IL17D: variants seen among roughly 807,000 people sequenced by gnomAD.
IL17D encodes interleukin 17D, also known as interleukin-17D.
Under a neutral mutation model 5.7 loss-of-function variants are expected in IL17D, and 10 were observed. That is an observed-to-expected ratio of 1.75 (90% CI 1.08 to 2.97). The LOEUF (loss-of-function observed/expected upper bound fraction) is 2.97. Ranked by LOEUF, IL17D falls within the 30% of genes most tolerant of loss-of-function variation. IL17D has a pLI of 0.00. For synonymous variants in IL17D, 172 were observed against 141.7 expected, an observed-to-expected ratio of 1.21 and a Z score of -1.52; for missense variants, 354 against 292.7, an observed-to-expected ratio of 1.21 and a Z score of -1.53.
upstream of IL17D, chr13:20,702,065 CATA>C (rs2058550907): frequency 6.6e-6 from 1 of 152,182 alleles, no homozygotes; most frequent in African/African-American, 2.4e-5. Context: ...ATGAAACCCT[CATA>C]ATGATACTCT....
chr13:20,704,128 T>C lies in IL17D; in HGVS notation c.127T>C (p.Tyr43His), dbSNP rs1387984745. The part of the protein sequence containing the change: ...DRPEELLEQL[Y>H]GRLAAGVLSA... ...GCCGGAGGAGCTACTGGAGCAGCTG[T>C]ACGGGCGCCTGGCGGCCGGCGTGCT... Residue 43 changes from tyrosine (Y) to histidine (H), a missense_variant, in exon 1 of 2, where the codon TAC becomes CAC. Transcript: ENST00000682841. 1.5e-5 allele frequency: 20 copies of C among 1,324,280 alleles called. No individual in the cohort carries two copies. The East Asian group carries it at 7.5e-4, about 49-fold the overall frequency. The allele number at this position is 1,324,280 out of a possible 1,614,324, so 82.0% of individuals were successfully genotyped here. A position where few individuals can be genotyped will look rare whatever the true frequency, so the allele number is the denominator to read the frequency against.
At chr13:20,719,196 CCA>C (rs1284539608) in intron 1 of IL17D, among the ~76,000 whole-genome samples, 1 of 142,060 alleles carries the variant, frequency 7.0e-6, no homozygotes, top group Non-Finnish European at 1.5e-5. Flanking sequence ...TCACAGATGC[CCA>C]CACCCACACC....
upstream of IL17D, chr13:20,703,342 CAA>C: frequency 1.0e-6 from 1 of 985,976 alleles, no homozygotes. Flanking sequence ...GCACAAGTGA[CAA>C]AATGTTTTCA....
chr13:20,704,634 C>T (rs2058576658), intron 1 of IL17D, among the ~76,000 whole-genome samples: 1 of 152,136 alleles, frequency 6.6e-6, no homozygotes, highest in South Asian at 2.1e-4. Context: ...AGGAGTCCTG[C>T]TTCCTCTCTT....
chr13:20,708,592 T>C (rs1223697186), intron 1 of IL17D, among the ~76,000 whole-genome samples: 4 of 152,106 alleles, frequency 2.6e-5, no homozygotes, highest in African/African-American at 7.2e-5. Flanking sequence ...TTACACACCA[T>C]TTCTTCTTGG....
intron 1 of IL17D, among the ~76,000 whole-genome samples, chr13:20,705,561 G>A (rs906667622): frequency 6.6e-6 from 1 of 152,204 alleles, no homozygotes; most frequent in African/African-American, 2.4e-5. Flanking sequence ...GCGAAGTGTG[G>A]TGGCACGTGC....
chr13:20,719,138 CCTATCCACACTT>C (rs1376852254), intron 1 of IL17D, among the ~76,000 whole-genome samples: 1 of 150,502 alleles, frequency 6.6e-6, no homozygotes, highest in African/African-American at 2.4e-5. Flanking sequence ...CATCCACACA[CCTATCCACACTT>C]ACGCACACCT....
At chr13:20,705,079 C>T (rs753846131) in intron 1 of IL17D, among the ~76,000 whole-genome samples, 3 of 151,970 alleles carry the variant, frequency 2.0e-5, no homozygotes, top group South Asian at 2.1e-4. Context: ...GGCAGGGTGC[C>T]GCAGTGTCCT....
intron 1 of IL17D, among the ~76,000 whole-genome samples, chr13:20,718,827 C>A (rs1403409594): frequency 6.8e-6 from 1 of 147,614 alleles, no homozygotes; most frequent in Non-Finnish European, 1.5e-5. Context: ...CACACACCTG[C>A]CCACACTCAG....
chr13:20,705,210 A>G (rs1443342831), intron 1 of IL17D, among the ~76,000 whole-genome samples: 2 of 151,054 alleles, frequency 1.3e-5, no homozygotes, highest in African/African-American at 4.9e-5. Flanking sequence ...GTCTTGATGG[A>G]GGAGAGCAAG....
At chr13:20,703,230 CTTCGGGTTA>C (rs1368340909), upstream of IL17D, 3 of 978,468 alleles carry the variant, frequency 3.1e-6, no homozygotes, top group African/African-American at 5.3e-5. Context: ...TTGCGTGGCC[CTTCGGGTTA>C]TTCCGCTCAA....
intron 1 of IL17D, among the ~76,000 whole-genome samples, chr13:20,707,440 C>CA (rs57118714): frequency 0.012 from 931 of 75,330 alleles, 12 homozygotes; most frequent in African/African-American, 0.027. Flanking sequence ...GAACTTGTCT[C>CA]AAAAAAAAAA....
Position 20,704,264 on chromosome 13 carries a change from T to C in IL17D, c.263T>C (p.Leu88Pro). The C allele has an allele frequency of 8.6e-7, 1 of 1,157,902 alleles. No individual in the cohort carries two copies. The highest frequency in any genetic ancestry group is 1.1e-6 in the Non-Finnish European group (1 of 941,708). 71.7% of individuals were successfully genotyped at this position (1,157,902 alleles called of 1,614,324 possible). A position where few individuals can be genotyped will look rare whatever the true frequency, so the allele number is the denominator to read the frequency against. ...CGCCGCTTCCGGCCGCCCACCAACC[T>C]GCGCAGCGTGTCGCCCTGGGCCTAC... Reference protein sequence around the residue: ...ADRRFRPPTNLRSVSPWAYRI... With the variant: ...ADRRFRPPTNPRSVSPWAYRI... The change falls in exon 1 of 2, where the codon CTG becomes CCG. Residue 88 changes from leucine (L) to proline (P), a missense_variant. Coordinates refer to ENST00000682841, the MANE Select transcript of IL17D (RefSeq NM_001385224.1).
intron 1 of IL17D, among the ~76,000 whole-genome samples, chr13:20,707,740 G>T (rs1201912765): frequency 6.6e-6 from 1 of 152,094 alleles, no homozygotes; most frequent in Non-Finnish European, 1.5e-5. Flanking sequence ...GCCCAGGTTC[G>T]TCTTGAAGTC....
chr13:20,703,249 A>C, upstream of IL17D: 2 of 985,708 alleles, frequency 2.0e-6, no homozygotes, highest in Non-Finnish European at 2.4e-6. Flanking sequence ...ATTCCGCTCA[A>C]GAGCCGCCGC....
Position 20,704,297 on chromosome 13 carries a change from C to G in IL17D, c.290+6C>G. ...GTGTCGCCCTGGGCCTACAGGTGAG[C>G]CGCGGGCGCGTCCTGGCGGGGCCCG... is the stretch of plus-strand genomic sequence containing the variant. On this transcript the variant is annotated splice_donor_region_variant and intron_variant, in intron 1 of 1. Coordinates refer to ENST00000682841, the MANE Select transcript of IL17D (RefSeq NM_001385224.1). The G allele has an allele frequency of 1.7e-6, 2 of 1,205,730 alleles. No individual in the cohort carries two copies. The highest frequency in any genetic ancestry group is 1.0e-6 in the Non-Finnish European group (1 of 972,564). 74.7% of individuals were successfully genotyped at this position (1,205,730 alleles called of 1,614,324 possible). A position where few individuals can be genotyped will look rare whatever the true frequency, so the allele number is the denominator to read the frequency against.
intron 1 of IL17D, 71 bp from the exon 2 acceptor site, chr13:20,721,565 T>C: frequency 7.3e-7 from 1 of 1,375,550 alleles, no homozygotes; most frequent in Admixed American, 2.2e-5. Flanking sequence ...CCGGTGACTC[T>C]AACCAGGGAT....
chr13:20,704,154 C>G lies in IL17D; in HGVS notation c.153C>G (p.Leu51=), dbSNP rs1296390042. The G allele has an allele frequency of 1.5e-6, 2 of 1,364,780 alleles. No individual in the cohort carries two copies. Among genetic ancestry groups the G allele is most frequent in the Non-Finnish European group, 1.9e-6 (2 of 1,050,448 alleles). 84.5% of individuals were successfully genotyped at this position (1,364,780 alleles called of 1,614,324 possible). A position where few individuals can be genotyped will look rare whatever the true frequency, so the allele number is the denominator to read the frequency against. ...ACGGGCGCCTGGCGGCCGGCGTGCTCAGTGCCTTCCACCACACGCTGCAGC... is the reference window on the plus strand; with the variant it reads ...ACGGGCGCCTGGCGGCCGGCGTGCTGAGTGCCTTCCACCACACGCTGCAGC... ...QLYGRLAAGV[L]SAFHHTLQLG... is the part of the protein sequence containing the mutation. The change falls in exon 1 of 2, where the codon CTC becomes CTG. Residue 51 remains leucine (L), a synonymous_variant. Coordinates refer to ENST00000682841, the MANE Select transcript of IL17D (RefSeq NM_001385224.1).
chr13:20,712,195 C>G (rs891480105), intron 1 of IL17D, among the ~76,000 whole-genome samples: 53 of 152,230 alleles, frequency 3.5e-4, no homozygotes, highest in Non-Finnish European at 1.0e-4. Context: ...TTCTCTCCAT[C>G]AAATCTTTTT....
Sources: allele counts gnomAD v4.1 joint callset (sites outside exome capture counted in the v4.1 genomes callset), GRCh38; gene constraint gnomAD v4.1.1; transcripts MANE v1.5; gene names NCBI Gene and HGNC (gene_info 2026-07-23, HGNC 2026-07-21).